Variants in AK7 observed in about 807,000 individuals in gnomAD.
The protein encoded by AK7 is ATP-AMP transphosphorylase 7.
A neutral mutation model predicts 96.6 loss-of-function variants in AK7; 78 were observed. The observed-to-expected ratio is 0.81, with a 90% CI of 0.67 to 0.97. The LOEUF is 0.97. Ranked by LOEUF, AK7 falls within the 50% of genes least tolerant of loss-of-function variation. The pLI, the probability that AK7 is intolerant of heterozygous loss-of-function variation, is 0.00. For missense variants in AK7, 855 were observed against 887.9 expected (o/e 0.96, Z 0.47); for synonymous variants, 302 against 317.2 (o/e 0.95, Z 0.51).
intron 1 of AK7, among the ~76,000 whole-genome samples, chr14:96,392,899 C>T (rs1889841079): frequency 6.6e-6 from 1 of 152,138 alleles, no homozygotes; most frequent in Non-Finnish European, 1.5e-5. Context: ...ATCTCCTGAC[C>T]TCGTGACCCA....
At chr14:96,464,766 T>C (rs903612852) in intron 12 of AK7, among the ~76,000 whole-genome samples, 1 of 152,166 alleles carries the variant, frequency 6.6e-6, no homozygotes, top group Non-Finnish European at 1.5e-5. Context: ...GTTCTCAAAA[T>C]ATCAGGACAT....
chr14:96,400,094 A>G (rs543754025), intron 2 of AK7, among the ~76,000 whole-genome samples: 2 of 127,874 alleles, frequency 1.6e-5, no homozygotes, highest in Admixed American at 1.0e-4. Flanking sequence ...ACTGAAGTGC[A>G]GTGGCGCGAT....
chr14:96,469,730 AAGAC>A (rs1234250292), intron 12 of AK7, among the ~76,000 whole-genome samples: 1 of 152,180 alleles, frequency 6.6e-6, no homozygotes, highest in Admixed American at 6.5e-5. Context: ...AAATTTCTGA[AAGAC>A]AGTTATTTTC....
At chr14:96,424,804 C>G (rs1891927416) in intron 5 of AK7, among the ~76,000 whole-genome samples, 1 of 152,042 alleles carries the variant, frequency 6.6e-6, no homozygotes, top group Non-Finnish European at 1.5e-5. Context: ...TAAATTTATT[C>G]CAGTTCTAAA....
intron 4 of AK7, 94 bp from the exon 5 acceptor site, chr14:96,420,728 C>A: frequency 1.1e-6 from 1 of 892,628 alleles, no homozygotes; most frequent in Non-Finnish European, 1.7e-6. Flanking sequence ...TAGTTTTAAG[C>A]TTTATTTGAG....
Position 96,408,864 on chromosome 14 carries a change from A to C in AK7, c.421A>C (p.Ser141Arg). The change falls in exon 4 of 18, where the codon AGC becomes CGC. Residue 141 changes from serine (S) to arginine (R), a missense_variant. Physicochemically the swap from Ser to Arg is moderately radical, Grantham distance 110. Transcript: ENST00000267584. ...CCCCACAGCACTCAGTGAAGAAGTCAGCCACTTTGAAAAGCGAAAGCTATT... is the reference window on the plus strand; with the variant it reads ...CCCCACAGCACTCAGTGAAGAAGTCCGCCACTTTGAAAAGCGAAAGCTATT... ...WAVSALSEEV[S>R]HFEKRKLFIL... 1 of 1,614,250 alleles carries C rather than the reference A, an allele frequency of 6.2e-7. No individual in the cohort carries two copies. Among genetic ancestry groups the C allele is most frequent in the Non-Finnish European group, 8.5e-7 (1 of 1,180,048 alleles).
At chr14:96,418,670 C>G (rs541946817) in intron 4 of AK7, among the ~76,000 whole-genome samples, 2 of 152,226 alleles carry the variant, frequency 1.3e-5, no homozygotes, top group South Asian at 4.1e-4. Flanking sequence ...AGGCACCTGC[C>G]ACCAAGCCCA....
chr14:96,478,447 G>A lies in AK7; in HGVS notation c.1556-18G>A, dbSNP rs1237371396. On this transcript the variant is annotated intron_variant, in intron 14 of 17. Coordinates refer to ENST00000267584, the MANE Select transcript of AK7 (RefSeq NM_152327.5). ...TGCGCTGTATTGTGCCAACTCTGGAGTCTGTCCTTCTCCCCAGAATTCGTT... is the reference window on the plus strand; with the variant it reads ...TGCGCTGTATTGTGCCAACTCTGGAATCTGTCCTTCTCCCCAGAATTCGTT... 6 of 1,613,882 alleles carry A rather than the reference G, an allele frequency of 3.7e-6. No individual in the cohort carries two copies. In the African/African-American group the frequency reaches 6.7e-5, roughly 18 times the overall value.
chr14:96,430,898 G>T (rs947846720), intron 5 of AK7, among the ~76,000 whole-genome samples: 1 of 152,098 alleles, frequency 6.6e-6, no homozygotes, highest in African/African-American at 2.4e-5. Flanking sequence ...GAATCCGTCT[G>T]GTCCTGGACT....
At chr14:96,462,897 G>A (rs781049198) in intron 12 of AK7, among the ~76,000 whole-genome samples, 1 of 152,010 alleles carries the variant, frequency 6.6e-6, no homozygotes, top group Non-Finnish European at 1.5e-5. Context: ...CAGCACTTTG[G>A]GAGGCCAAAG....
At chr14:96,473,172 AT>A (rs112108415) in intron 14 of AK7, among the ~76,000 whole-genome samples, 44,702 of 136,872 alleles carry the variant, frequency 0.33, 6,639 homozygotes, top group South Asian at 0.41. Flanking sequence ...TGCCCAGCTA[AT>A]TTTTTTTTTT....
intron 5 of AK7, chr14:96,424,119 C>A (rs1891877440): frequency 4.6e-6 from 3 of 651,672 alleles, no homozygotes; most frequent in Non-Finnish European, 8.7e-6. Context: ...GCTCGTCCAC[C>A]GCCACCCCGT....
At position 96,488,824 on chromosome 14, in the gene AK7, C is replaced by CTTTTTTTTTTTTTTTTTTTTTATTTTTT. The variant is rs11361139; in HGVS notation, c.*500_*501insTTATTTTTTTTTTTTTTTTTTTTTTTTT. 1 of 127,788 alleles carries CTTTTTTTTTTTTTTTTTTTTTATTTTTT rather than the reference C, an allele frequency of 7.8e-6. No individual in the cohort carries two copies. Among genetic ancestry groups the CTTTTTTTTTTTTTTTTTTTTTATTTTTT allele is most frequent in the Non-Finnish European group, 1.7e-5 (1 of 60,276 alleles). 7.9% of individuals were successfully genotyped at this position (127,788 alleles called of 1,614,324 possible). A position where few individuals can be genotyped will look rare whatever the true frequency, so the allele number is the denominator to read the frequency against. ...GACAAGATTGGTGCCTGTAAGGTGGCTTTTTTTTTTTTTTTTTTTAAATGA... is the reference window on the plus strand; with the variant it reads ...GACAAGATTGGTGCCTGTAAGGTGGCTTTTTTTTTTTTTTTTTTTTTATTTTTTTTTTTTTTTTTTTTTTTTTAAATGA... On this transcript the variant is annotated 3_prime_UTR_variant, in exon 18 of 18. Transcript: ENST00000267584.
chr14:96,466,428 C>G (rs560714443), intron 12 of AK7, among the ~76,000 whole-genome samples: 1 of 151,946 alleles, frequency 6.6e-6, no homozygotes, highest in Non-Finnish European at 1.5e-5. Context: ...TTAGTAGAGA[C>G]GGGGTTTCAC....
intron 5 of AK7, among the ~76,000 whole-genome samples, chr14:96,428,232 C>T (rs529277628): frequency 0.055 from 8,144 of 148,106 alleles, 886 homozygotes; most frequent in African/African-American, 0.2. Flanking sequence ...TCTGTCCTTG[C>T]AATAGTTTGC....
chr14:96,454,801 C>G (rs916844501), intron 10 of AK7, among the ~76,000 whole-genome samples: 9 of 152,034 alleles, frequency 5.9e-5, no homozygotes, highest in Non-Finnish European at 1.0e-4. Flanking sequence ...CCACCTCAGC[C>G]TCCTAAACTG....
chr14:96,450,059 C>T (rs1053861536), intron 9 of AK7, among the ~76,000 whole-genome samples, 180 bp downstream of exon 9: 1 of 152,000 alleles, frequency 6.6e-6, no homozygotes, highest in Admixed American at 6.6e-5. Flanking sequence ...GATATTCTAC[C>T]CTAAGACAAC....
In AK7 at chr14:96,408,941, C is replaced by G; in HGVS notation, c.498C>G (p.Pro166=). ...MTWARSKALD[P]EDSEVPFTEE... is the part of the protein sequence containing the mutation. ...GGGCGCGCTCCAAAGCCCTGGACCC[C>G]GTAAGTAGAGCGTTAGCTTTCCTTT... The change falls in exon 4 of 18, where the codon CCC becomes CCG. Residue 166 remains proline, a splice_region_variant and synonymous_variant. Coordinates refer to ENST00000267584, the MANE Select transcript of AK7 (RefSeq NM_152327.5). The G allele has an allele frequency of 6.2e-7, 1 of 1,613,838 alleles. No homozygotes were observed. Among genetic ancestry groups the G allele is most frequent in the Non-Finnish European group, 8.5e-7 (1 of 1,179,774 alleles).
At chr14:96,413,139 G>A (rs1891137009) in intron 4 of AK7, among the ~76,000 whole-genome samples, 2 of 152,180 alleles carry the variant, frequency 1.3e-5, no homozygotes, top group South Asian at 4.1e-4. Context: ...GGGATAGGCT[G>A]GAACCTATTG....
Sources: gnomAD v4.1 joint callset for allele counts (sites outside exome capture counted in the v4.1 genomes callset) on GRCh38, gnomAD v4.1.1 for gene constraint, MANE v1.5 for transcripts, NCBI Gene and HGNC (gene_info 2026-07-23, HGNC 2026-07-21) for gene names.